The following ZMAT5 variants were observed in gnomAD, a reference collection of about 807,000 sequenced individuals.
The protein encoded by ZMAT5 is zinc finger matrin-type 5.
In ZMAT5, 23 loss-of-function variants were observed where a neutral mutation model predicts 28.0. The ratio of observed to expected loss-of-function variants is 0.82; its 90% confidence interval spans 0.59 to 1.16. The LOEUF is 1.16. Among genes scored for constraint, ZMAT5 ranks in the 50% most tolerant of loss-of-function variants. The pLI is 0.00. For synonymous variants in ZMAT5, 76 were observed against 84.1 expected, an observed-to-expected ratio of 0.90 and a Z score of 0.52; for missense variants, 173 against 212.7, an observed-to-expected ratio of 0.81 and a Z score of 1.16.
At chr22:29,733,628 G>C (rs926108139) in intron 5 of ZMAT5, among the ~76,000 whole-genome samples, 1 of 152,236 alleles carries the variant, frequency 6.6e-6, no homozygotes, top group African/African-American at 2.4e-5. Flanking sequence ...CGCAGTTGCT[G>C]GAAGGGAGTG....
At chr22:29,742,616 G>A in intron 2 of ZMAT5, 136 bp from the exon 3 acceptor site, 2 of 800,384 alleles carry the variant, frequency 2.5e-6, no homozygotes, top group Non-Finnish European at 4.0e-6. Flanking sequence ...GTTCCACGGA[G>A]GAGTGGAAGC....
rs762272207 is a variant in ZMAT5, at chr22:29,731,356, T to TAGAG, written c.384-6_384-3dup. 1 of 1,480,626 alleles carries TAGAG rather than the reference T, an allele frequency of 6.8e-7. No homozygotes were observed. The highest frequency in any genetic ancestry group is 9.0e-7 in the Non-Finnish European group (1 of 1,106,528). The allele number at this position is 1,480,626 out of a possible 1,614,324, so 91.7% of individuals were successfully genotyped here. On this transcript the variant is annotated splice_polypyrimidine_tract_variant and splice_region_variant and intron_variant, in intron 5 of 5. Coordinates refer to ENST00000344318, the MANE Select transcript of ZMAT5 (RefSeq NM_001003692.2). ...ACAGTGGTTCTGATGGGTTCAGCCC[T>TAGAG]AGAGAGAGAGAGAGAAGCGGGGAGA... is the stretch of plus-strand genomic sequence containing the variant.
At chr22:29,756,245 C>T (rs1191200928) in intron 1 of ZMAT5, among the ~76,000 whole-genome samples, 2 of 152,174 alleles carry the variant, frequency 1.3e-5, no homozygotes, top group Non-Finnish European at 2.9e-5. Context: ...ACTAGGAGCT[C>T]GGTAATGTCC....
intron 3 of ZMAT5, 91 bp downstream of exon 3, chr22:29,742,327 G>C (rs981343005): frequency 7.4e-7 from 1 of 1,351,020 alleles, no homozygotes; most frequent in African/African-American, 1.4e-5. Flanking sequence ...ATGGTGGCCC[G>C]GGTCGGGGAA....
At chr22:29,752,015 T>C (rs1170456286) in intron 1 of ZMAT5, among the ~76,000 whole-genome samples, 1 of 152,168 alleles carries the variant, frequency 6.6e-6, no homozygotes, top group African/African-American at 2.4e-5. Context: ...CAATTTTCCT[T>C]TATTAATCAC....
chr22:29,740,568 G>A, intron 4 of ZMAT5, 82 bp downstream of exon 4: 1 of 1,397,358 alleles, frequency 7.2e-7, no homozygotes. Flanking sequence ...AGATAGGGAG[G>A]CATAGGCCAG....
At chr22:29,755,219 C>T (rs1569339960) in intron 1 of ZMAT5, among the ~76,000 whole-genome samples, 2 of 151,778 alleles carry the variant, frequency 1.3e-5, no homozygotes, top group Non-Finnish European at 2.9e-5. Context: ...TGCTCAAACC[C>T]AGGCAGCGGA....
At chr22:29,756,988 A>G (rs2068107562) in intron 1 of ZMAT5, among the ~76,000 whole-genome samples, 1 of 152,036 alleles carries the variant, frequency 6.6e-6, no homozygotes, top group Admixed American at 6.6e-5. Context: ...GCAGTGAGCC[A>G]AGATTGCACC....
intron 1 of ZMAT5, among the ~76,000 whole-genome samples, chr22:29,761,463 G>A (rs1342383583): frequency 6.6e-6 from 1 of 151,426 alleles, no homozygotes; most frequent in East Asian, 1.9e-4. Context: ...GCTCGGGCCT[G>A]TGGTCCCAGC....
chr22:29,732,827 G>A (rs1192062854), intron 5 of ZMAT5, among the ~76,000 whole-genome samples: 1 of 151,910 alleles, frequency 6.6e-6, no homozygotes, highest in East Asian at 1.9e-4. Context: ...ATTCAGGCAG[G>A]AGCTCATCTG....
intron 1 of ZMAT5, among the ~76,000 whole-genome samples, chr22:29,752,218 C>A (rs527694634): frequency 6.6e-5 from 10 of 152,142 alleles, no homozygotes; most frequent in African/African-American, 2.4e-4. Flanking sequence ...TTCATGCTGC[C>A]GTGCTAGCTG....
intron 5 of ZMAT5, among the ~76,000 whole-genome samples, chr22:29,732,739 CAAA>C (rs131258): frequency 4.3e-5 from 3 of 70,294 alleles, no homozygotes; most frequent in Admixed American, 1.6e-4. Context: ...GACTCCTTCT[CAAA>C]AAAAAAAAAA....
At chr22:29,754,247 G>A (rs979588053) in intron 1 of ZMAT5, among the ~76,000 whole-genome samples, 2 of 152,090 alleles carry the variant, frequency 1.3e-5, no homozygotes, top group South Asian at 2.1e-4. Flanking sequence ...GCGAGGTCCC[G>A]TCTGGAACAC....
At chr22:29,738,468 G>A in intron 4 of ZMAT5, 27 bp from the exon 5 acceptor site, 1 of 1,595,290 alleles carries the variant, frequency 6.3e-7, no homozygotes, top group Non-Finnish European at 8.6e-7. Context: ...ACAAAGGCAA[G>A]TGAGGGGTAC....
At chr22:29,766,636 A>G (rs982839572) in intron 1 of ZMAT5, among the ~76,000 whole-genome samples, 1 of 152,214 alleles carries the variant, frequency 6.6e-6, no homozygotes, top group African/African-American at 2.4e-5. Flanking sequence ...TGCGAAGCCC[A>G]GGGGTGAGAG....
At chr22:29,748,623 C>T in intron 1 of ZMAT5, 52 bp from the exon 2 acceptor site, 1 of 1,595,720 alleles carries the variant, frequency 6.3e-7, no homozygotes, top group East Asian at 2.2e-5. Context: ...ACACATCCCT[C>T]ACCAGCCCAC....
chr22:29,753,024 C>T (rs531484871), intron 1 of ZMAT5, among the ~76,000 whole-genome samples: 11 of 152,296 alleles, frequency 7.2e-5, no homozygotes, highest in East Asian at 1.9e-4. Context: ...CCTCCGAGAG[C>T]GGGATACCCA....
At chr22:29,759,088 G>A (rs1236877145) in intron 1 of ZMAT5, among the ~76,000 whole-genome samples, 1 of 152,220 alleles carries the variant, frequency 6.6e-6, no homozygotes, top group African/African-American at 2.4e-5. Context: ...CCCAAGGCCT[G>A]GTGAAGGTCG....
At chr22:29,753,327 C>A (rs1319772355) in intron 1 of ZMAT5, among the ~76,000 whole-genome samples, 1 of 152,196 alleles carries the variant, frequency 6.6e-6, no homozygotes, top group Non-Finnish European at 1.5e-5. Context: ...GAGTTAGAGA[C>A]CAGCCTGGCC....
Sources: gnomAD v4.1 joint callset for allele counts (sites outside exome capture counted in the v4.1 genomes callset) on GRCh38, gnomAD v4.1.1 for gene constraint, MANE v1.5 for transcripts, NCBI Gene and HGNC (gene_info 2026-07-23, HGNC 2026-07-21) for gene names.